NHERF4: variants seen among roughly 807,000 people sequenced by gnomAD.
The protein encoded by NHERF4 is Na(+)/H(+) exchange regulatory cofactor NHE-RF4.
the NHERF4 span, chr11:119,189,015 G>C: frequency 6.2e-7 from 1 of 1,614,094 alleles, no homozygotes; most frequent in Admixed American, 1.7e-5. The surrounding 1 kb of genome is among the most constrained non-coding windows in gnomAD (Gnocchi z 5.8). Flanking sequence ...GTGACTCCAG[G>C]AGGCTCAGCT....
the NHERF4 span, chr11:119,189,438 C>G: frequency 1.9e-6 from 3 of 1,613,466 alleles, no homozygotes; most frequent in South Asian, 1.1e-5. The surrounding 1 kb of genome is among the most constrained non-coding windows in gnomAD (Gnocchi z 5.8). Flanking sequence ...CCTGGAATGA[C>G]CTTCTACCTC....
chr11:119,186,146 C>A, the NHERF4 span: 1 of 1,614,090 alleles, frequency 6.2e-7, no homozygotes, highest in Non-Finnish European at 8.5e-7. This position sits in a 1 kb window ranked among gnomAD's most constrained non-coding sequence, Gnocchi z 4.4. Flanking sequence ...TCTCCCTGGC[C>A]GAAGACCACG....
At chr11:119,187,455 C>T in the NHERF4 span, 57 of 1,613,798 alleles carry the variant, frequency 3.5e-5, no homozygotes, top group Non-Finnish European at 1.8e-5. Context: ...TCAGTGTCAC[C>T]CATGGTGAGC....
chr11:119,187,519 C>G, the NHERF4 span: 1 of 1,611,856 alleles, frequency 6.2e-7, no homozygotes, highest in South Asian at 1.1e-5. Context: ...CTGTTCAGGG[C>G]AGGCAGGAAA....
At chr11:119,187,437 T>A in the NHERF4 span, 1 of 1,613,574 alleles carries the variant, frequency 6.2e-7, no homozygotes, top group Non-Finnish European at 8.5e-7. Flanking sequence ...ATGAGGGTGG[T>A]TTTGGCTTCA....
the NHERF4 span, chr11:119,189,393 G>A: frequency 6.3e-7 from 1 of 1,577,340 alleles, no homozygotes. This position sits in a 1 kb window ranked among gnomAD's most constrained non-coding sequence, Gnocchi z 5.8. Context: ...TCCAGTGCAG[G>A]GCGGGGCAAG....
At chr11:119,186,315 T>G in the NHERF4 span, 1 of 1,580,038 alleles carries the variant, frequency 6.3e-7, no homozygotes, top group Middle Eastern at 1.7e-4. The surrounding 1 kb of genome is among the most constrained non-coding windows in gnomAD (Gnocchi z 4.4). Context: ...GGGTGTTTTC[T>G]CCTGTCCCAG....
At chr11:119,187,867 G>A in the NHERF4 span, 1 of 1,472,190 alleles carries the variant, frequency 6.8e-7, no homozygotes, top group Non-Finnish European at 9.0e-7. Flanking sequence ...CCTGGGAGGA[G>A]GGGCTGTGGG....
At chr11:119,188,738 A>G in the NHERF4 span, 1 of 1,614,028 alleles carries the variant, frequency 6.2e-7, no homozygotes, top group Non-Finnish European at 8.5e-7. Context: ...AGGACCCTTC[A>G]CTTGAAGACA....
At chr11:119,186,080 G>A in the NHERF4 span, 210 of 1,610,576 alleles carry the variant, frequency 1.3e-4, 1 homozygote, top group Middle Eastern at 1.2e-3. This position sits in a 1 kb window ranked among gnomAD's most constrained non-coding sequence, Gnocchi z 4.4. Context: ...TGCTTCCCCT[G>A]CCTCCTTGCA....
At chr11:119,185,674 C>A in the NHERF4 span, 1 of 773,860 alleles carries the variant, frequency 1.3e-6, no homozygotes, top group Non-Finnish European at 2.2e-6. Context: ...GTCTGTCTTC[C>A]TGGTCCACAC....
the NHERF4 span, chr11:119,185,534 T>C: frequency 1.9e-6 from 3 of 1,611,862 alleles, no homozygotes. Flanking sequence ...AGAAATCCTC[T>C]GCAGGGGACT....
At chr11:119,187,335 T>C in the NHERF4 span, 11 of 1,613,410 alleles carry the variant, frequency 6.8e-6, no homozygotes, top group Non-Finnish European at 9.3e-6. Context: ...GGCATGCACA[T>C]GACGTGGCCC....
At chr11:119,188,121 A>G in the NHERF4 span, 6 of 1,547,796 alleles carry the variant, frequency 3.9e-6, no homozygotes, top group African/African-American at 1.4e-5. Flanking sequence ...CTCCGGGAGG[A>G]AAAGGGCCTT....
At chr11:119,187,249 G>A in the NHERF4 span, 6 of 1,563,066 alleles carry the variant, frequency 3.8e-6, no homozygotes, top group East Asian at 4.7e-5. Context: ...CCAAACCCAC[G>A]CCCACGTGCC....
At chr11:119,187,179 T>C in the NHERF4 span, 2 of 1,035,938 alleles carry the variant, frequency 1.9e-6, no homozygotes, top group Non-Finnish European at 2.7e-6. Flanking sequence ...AAAAGCCGAT[T>C]CCCTTGGCAA....
chr11:119,187,194 A>T, the NHERF4 span: 1 of 1,235,970 alleles, frequency 8.1e-7, no homozygotes, highest in South Asian at 1.8e-5. Flanking sequence ...TGGCAAAAAA[A>T]TGTGGATTCC....
At chr11:119,188,969 C>T in the NHERF4 span, 343 of 1,613,224 alleles carry the variant, frequency 2.1e-4, 2 homozygotes, top group African/African-American at 3.0e-3. Context: ...AACTTTCCCC[C>T]GGTGTCCCCT....
At chr11:119,188,975 C>T in the NHERF4 span, 7 of 1,613,594 alleles carry the variant, frequency 4.3e-6, no homozygotes, top group African/African-American at 9.3e-5. Context: ...CCCCCGGTGT[C>T]CCCTGTTCTG....
Sources: allele counts gnomAD v4.1 joint callset, GRCh38; gene constraint gnomAD v4.1.1; non-coding constraint Gnocchi (gnomAD v3.1); transcripts MANE v1.5; gene names NCBI Gene and HGNC (gene_info 2026-07-23, HGNC 2026-07-21).